MYOF: variants seen among roughly 807,000 people sequenced by gnomAD.
MYOF encodes myoferlin.
In MYOF, 244 loss-of-function variants were observed where a neutral mutation model predicts 284.2. The ratio of observed to expected loss-of-function variants is 0.86; its 90% CI spans 0.77 to 0.95. The LOEUF is 0.95. MYOF is among the 40% of genes least tolerant of loss of function. The pLI, the probability that MYOF is intolerant of heterozygous loss-of-function variation, is 0.00. For synonymous variants in MYOF, 904 were observed against 919.7 expected, an observed-to-expected ratio of 0.98 and a Z score of 0.31; for missense variants, 2,496 against 2,560.6, an observed-to-expected ratio of 0.97 and a Z score of 0.54.
intron 51 of MYOF, among the ~76,000 whole-genome samples, chr10:93,312,419 C>T (rs1186909626): frequency 6.6e-6 from 1 of 152,092 alleles, no homozygotes; most frequent in Non-Finnish European, 1.5e-5. Flanking sequence ...GATCTTGGCT[C>T]ACTGCAACCT....
rs758541223 is a variant in MYOF, at chr10:93,313,116, G to T, written c.5793C>A (p.Asn1931Lys). The change falls in exon 51 of 54, where the codon AAC (asparagine) becomes AAA (lysine). Residue 1931 changes from asparagine to lysine, a missense_variant. By Grantham distance (94) the Asn-to-Lys change is moderately conservative. Coordinates refer to ENST00000359263, the MANE Select transcript of MYOF (RefSeq NM_013451.4). Reference sequence around the variant, plus strand: ...GGGAGGCTGTCTTGGCTTTAAGGGGGTTCATGGCTTTGAGGTCCGGAATCA... The same window carrying T: ...GGGAGGCTGTCTTGGCTTTAAGGGGTTTCATGGCTTTGAGGTCCGGAATCA... ...LDMIPDLKAM[N>K]PLKAKTASLF... 1 of 1,614,084 alleles carries T rather than the reference G, an allele frequency of 6.2e-7. No individual in the cohort carries two copies. The highest frequency in any genetic ancestry group is 8.5e-7 in the Non-Finnish European group (1 of 1,179,964).
chr10:93,322,042 GCAT>G (rs1842863960), intron 48 of MYOF, among the ~76,000 whole-genome samples: 1 of 151,518 alleles, frequency 6.6e-6, no homozygotes, highest in Non-Finnish European at 1.5e-5. Flanking sequence ...AAATAAATTT[GCAT>G]ATATATAATT....
intron 27 of MYOF, 105 bp from the exon 28 acceptor site, chr10:93,361,662 T>C (rs1845081192): frequency 3.4e-6 from 3 of 891,184 alleles, no homozygotes; most frequent in Admixed American, 2.3e-5. Flanking sequence ...TTCACACCTT[T>C]ACTTAGATAC....
chr10:93,342,348 G>A (rs1843962382), intron 38 of MYOF, among the ~76,000 whole-genome samples: 1 of 138,950 alleles, frequency 7.2e-6, no homozygotes, highest in Non-Finnish European at 1.6e-5. Flanking sequence ...TTGTTCATTT[G>A]ACTTTGTACA....
In MYOF at chr10:93,306,782, A is replaced by G. The variant is rs1842118105; in HGVS notation, c.*181T>C. Reference sequence around the variant, plus strand: ...ATACTTAAGAGATAACATGATGCAAACGTTGCTTGTTGGCCTGACTTTCCA... The same window carrying G: ...ATACTTAAGAGATAACATGATGCAAGCGTTGCTTGTTGGCCTGACTTTCCA... On this transcript the variant is annotated 3_prime_UTR_variant, in exon 54 of 54. Coordinates refer to ENST00000359263, the MANE Select transcript of MYOF (RefSeq NM_013451.4). 1.6e-6 allele frequency: 1 copy of G among 644,348 alleles called. No homozygotes were observed. Among genetic ancestry groups the G allele is most frequent in the Admixed American group, 2.9e-5 (1 of 34,302 alleles). 39.9% of individuals were successfully genotyped at this position (644,348 alleles called of 1,614,324 possible). A position where few individuals can be genotyped will look rare whatever the true frequency, so the allele number is the denominator to read the frequency against.
rs1426883353 is a variant in MYOF at position 93,426,845 on chromosome 10, G to A, written c.346-687C>T. The stretch of plus-strand genomic sequence containing the variant: ...GCGGAGGTTGCAGTGAGCTGAGATC[G>A]TGCCACTCACTCCCGCCTAGGCAAA... On this transcript the variant is annotated intron_variant, in intron 4 of 53. Transcript: ENST00000359263. Among the ~76,000 whole-genome samples the A allele has an allele frequency of 2.7e-5, 4 of 150,082 alleles. No homozygotes were observed. In the East Asian group the frequency reaches 5.9e-4, roughly 22 times the overall value.
chr10:93,338,627 C>A (rs533211331), intron 39 of MYOF, among the ~76,000 whole-genome samples: 9 of 152,278 alleles, frequency 5.9e-5, no homozygotes, highest in African/African-American at 2.2e-4. Context: ...CAGGAGGCAT[C>A]ATGGTTCAGT....
intron 39 of MYOF, among the ~76,000 whole-genome samples, chr10:93,339,362 CTTAT>C (rs1312534105): frequency 1.2e-5 from 1 of 80,896 alleles, no homozygotes; most frequent in Non-Finnish European, 2.7e-5. Flanking sequence ...TTATATGCTT[CTTAT>C]TTGTGTGTGT....
In MYOF at chr10:93,346,987, A is replaced by T. The variant is rs552382963; in HGVS notation, c.4249+630T>A. Among the ~76,000 whole-genome samples, 7 of 152,280 alleles carry T rather than the reference A, an allele frequency of 4.6e-5. No homozygotes were observed. In the South Asian group the frequency reaches 1.4e-3, roughly 32 times the overall value. ...GCTGCTTGTTGAAAGGTGAATAGGGAACATTCATGAGCACTTAACACTTCC... is the reference window on the plus strand; with the variant it reads ...GCTGCTTGTTGAAAGGTGAATAGGGTACATTCATGAGCACTTAACACTTCC... On this transcript the variant is annotated intron_variant, in intron 37 of 53. Coordinates refer to ENST00000359263, the MANE Select transcript of MYOF (RefSeq NM_013451.4).
chr10:93,378,693 G>GTGTATATATATATATATA, intron 21 of MYOF, among the ~76,000 whole-genome samples: 15 of 87,894 alleles, frequency 1.7e-4, no homozygotes, highest in South Asian at 5.6e-4. Flanking sequence ...GTGTGTGTGT[G>GTGTATATATATATATATA]TATATATATA....
At chr10:93,330,420 C>T (rs1843246926) in intron 43 of MYOF, among the ~76,000 whole-genome samples, 1 of 152,086 alleles carries the variant, frequency 6.6e-6, no homozygotes, top group Non-Finnish European at 1.5e-5. Flanking sequence ...AGACCACTGC[C>T]CCATGGAACA....
chr10:93,430,840 T>C (rs1848809690), intron 4 of MYOF, among the ~76,000 whole-genome samples: 1 of 152,074 alleles, frequency 6.6e-6, no homozygotes, highest in South Asian at 2.1e-4. Flanking sequence ...ATAAGGTCCA[T>C]GTCGTTTGCA....
intron 5 of MYOF, among the ~76,000 whole-genome samples, chr10:93,415,480 T>A (rs1194228850): frequency 6.6e-6 from 1 of 152,210 alleles, no homozygotes; most frequent in Non-Finnish European, 1.5e-5. Flanking sequence ...ACCAGCACAG[T>A]CAAATCACTT....
At chr10:93,404,880 A>T (rs1377605066) in intron 7 of MYOF, among the ~76,000 whole-genome samples, 1 of 152,228 alleles carries the variant, frequency 6.6e-6, no homozygotes. Flanking sequence ...ACATTGTAAA[A>T]GCTAATTTTA....
chr10:93,333,673 C>T, intron 42 of MYOF, 85 bp downstream of exon 42: 7 of 1,528,444 alleles, frequency 4.6e-6, no homozygotes, highest in Non-Finnish European at 6.2e-6. Context: ...TAACAGACGC[C>T]CAGAAAGAAA....
At chr10:93,332,948 C>G (rs772563764) in intron 43 of MYOF, among the ~76,000 whole-genome samples, 5 of 152,100 alleles carry the variant, frequency 3.3e-5, no homozygotes, top group African/African-American at 7.2e-5. Flanking sequence ...GGAGGGGGGT[C>G]CCCGGAAAAA....
chr10:93,321,407 T>C (rs1253847300), intron 48 of MYOF, among the ~76,000 whole-genome samples: 1 of 147,474 alleles, frequency 6.8e-6, no homozygotes, highest in Admixed American at 6.8e-5. Flanking sequence ...CTTTTGACTA[T>C]TAACCTTTTT....
intron 3 of MYOF, among the ~76,000 whole-genome samples, chr10:93,447,410 C>A (rs774392556): frequency 6.6e-6 from 1 of 152,164 alleles, no homozygotes; most frequent in Non-Finnish European, 1.5e-5. Flanking sequence ...CTCCTGGGGA[C>A]GTGCTCGGTG....
chr10:93,382,041 A>G (rs1216337196), intron 19 of MYOF, among the ~76,000 whole-genome samples: 1 of 152,144 alleles, frequency 6.6e-6, no homozygotes, highest in Non-Finnish European at 1.5e-5. Context: ...ATCTCAAAAA[A>G]AGAGAGTATA....
Sources: gnomAD v4.1 joint callset for allele counts (sites outside exome capture counted in the v4.1 genomes callset) on GRCh38, gnomAD v4.1.1 for gene constraint, MANE v1.5 for transcripts, NCBI Gene and HGNC (gene_info 2026-07-23, HGNC 2026-07-21) for gene names.